Variants in ITSN1 observed in about 807,000 individuals in gnomAD.
The protein encoded by ITSN1 is intersectin-1.
In ITSN1, 58 loss-of-function variants were observed where a neutral mutation model predicts 239.8. That is an observed-to-expected ratio of 0.24 (90% confidence interval 0.20 to 0.30). The LOEUF (loss-of-function observed/expected upper bound fraction) is 0.30. Ranked by LOEUF, ITSN1 falls within the 10% of genes least tolerant of loss-of-function variation. The pLI is 1.00. For missense variants in ITSN1, 1,558 were observed against 2,103.3 expected (o/e 0.74, Z 5.07); for synonymous variants, 780 against 770.8 (o/e 1.01, Z -0.20).
chr21:33,704,574 T>C (rs2092162251), intron 1 of ITSN1, among the ~76,000 whole-genome samples: 1 of 152,184 alleles, frequency 6.6e-6, no homozygotes, highest in Non-Finnish European at 1.5e-5. Context: ...CATAGCTTTG[T>C]TAATAGGATT....
At chr21:33,816,099 A>G (rs557453383) in intron 22 of ITSN1, among the ~76,000 whole-genome samples, 3 of 152,208 alleles carry the variant, frequency 2.0e-5, no homozygotes, top group Non-Finnish European at 2.9e-5. Context: ...AGGCTGAGGC[A>G]GGAGTATCAC....
At chr21:33,834,542 G>A (rs945949846) in intron 28 of ITSN1, 118 bp downstream of exon 28, 2 of 732,964 alleles carry the variant, frequency 2.7e-6, no homozygotes, top group East Asian at 2.7e-5. Flanking sequence ...AGCACTTCCT[G>A]TACTTGCTGG....
intron 1 of ITSN1, among the ~76,000 whole-genome samples, chr21:33,664,574 TAGC>T (rs1351786868): frequency 1.3e-5 from 2 of 152,174 alleles, no homozygotes; most frequent in Non-Finnish European, 2.9e-5. Context: ...TGGGGACACA[TAGC>T]AGTTACTAGC....
intron 16 of ITSN1, among the ~76,000 whole-genome samples, chr21:33,792,029 G>GAAAT (rs1253344637): frequency 6.6e-6 from 1 of 152,022 alleles, no homozygotes; most frequent in Non-Finnish European, 1.5e-5. Flanking sequence ...AACAGATACT[G>GAAAT]AAATAAATAA....
At chr21:33,874,942 C>T (rs1189295981) in intron 33 of ITSN1, among the ~76,000 whole-genome samples, 4 of 152,152 alleles carry the variant, frequency 2.6e-5, no homozygotes, top group Admixed American at 6.5e-5. Context: ...CCACTGTGCC[C>T]GGCCAAGGGT....
chr21:33,721,011 A>C (rs998853758), intron 2 of ITSN1, among the ~76,000 whole-genome samples, 167 bp from the exon 3 acceptor site: 1 of 152,058 alleles, frequency 6.6e-6, no homozygotes, highest in Admixed American at 6.6e-5. Flanking sequence ...CCTGTTTTAC[A>C]CTTTTCTAAC....
rs766280076 is a variant in ITSN1, at chr21:33,875,533, TG to T, written c.4341+16del. The T allele has an allele frequency of 6.2e-7, 1 of 1,611,196 alleles. No homozygotes were observed. The highest frequency in any genetic ancestry group is 1.3e-5 in the African/African-American group (1 of 74,814). ...AAGGCCTGTCTGAGGTAGCCAACCT[TG>T]GGGCTGGGCCCTGGTCTCCCCCGGC... On this transcript the variant is annotated intron_variant, in intron 34 of 39. Transcript: ENST00000381318.
chr21:33,644,838 T>TC (rs773331610), intron 1 of ITSN1, among the ~76,000 whole-genome samples: 2 of 151,576 alleles, frequency 1.3e-5, no homozygotes, highest in African/African-American at 2.4e-5. Context: ...TTTTTTTTTT[T>TC]CTTGAGGCAG....
rs115514648 is a variant in ITSN1 at position 33,834,095 on chromosome 21, A to G, written c.3352-212A>G. Among the ~76,000 whole-genome samples the G allele has an allele frequency of 0.016, 2,393 of 152,226 alleles. 65 individuals are homozygous for G. The highest frequency in any genetic ancestry group is 0.053 in the African/African-American group (2,206 of 41,526). Reference sequence around the variant, plus strand: ...TCCACACAGTCTAGCCGAAGCAAAAACATTCTGGGCTTTGCTGACCAGTGA... The same window carrying G: ...TCCACACAGTCTAGCCGAAGCAAAAGCATTCTGGGCTTTGCTGACCAGTGA... On this transcript the variant is annotated intron_variant, in intron 27 of 39. Coordinates refer to ENST00000381318, the MANE Select transcript of ITSN1 (RefSeq NM_003024.3).
intron 11 of ITSN1, among the ~76,000 whole-genome samples, chr21:33,769,776 G>A (rs189405273): frequency 1.3e-5 from 2 of 150,024 alleles, no homozygotes; most frequent in Admixed American, 6.6e-5. Context: ...GCTCACTGCA[G>A]CCTCCGCCTC....
chr21:33,747,176 A>T (rs1160671713), intron 5 of ITSN1, among the ~76,000 whole-genome samples: 2 of 152,192 alleles, frequency 1.3e-5, no homozygotes, highest in Non-Finnish European at 2.9e-5. Context: ...AAACCTGAAA[A>T]GTTCAATAAC....
chr21:33,675,202 C>T (rs939099373), intron 1 of ITSN1, among the ~76,000 whole-genome samples: 2 of 152,148 alleles, frequency 1.3e-5, no homozygotes, highest in African/African-American at 4.8e-5. Flanking sequence ...AGCTGATGCT[C>T]TTCATCCACT....
chr21:33,834,150 G>A (rs937178055), intron 27 of ITSN1, among the ~76,000 whole-genome samples, 157 bp from the exon 28 acceptor site: 1 of 152,136 alleles, frequency 6.6e-6, no homozygotes, highest in Admixed American at 6.5e-5. Flanking sequence ...TAGCTATGGT[G>A]TTTTACTTTT....
chr21:33,735,336 C>T (rs2066430451), intron 5 of ITSN1, 132 bp downstream of exon 5: 2 of 909,570 alleles, frequency 2.2e-6, no homozygotes, highest in Non-Finnish European at 3.6e-6. Context: ...ATGATGGCCC[C>T]CTGCAGGAAG....
intron 32 of ITSN1, among the ~76,000 whole-genome samples, chr21:33,866,974 G>A (rs917084013): frequency 7.2e-6 from 1 of 138,990 alleles, no homozygotes; most frequent in African/African-American, 2.5e-5. Context: ...AACCATGCAT[G>A]CCATGGAGGG....
At position 33,867,217 on chromosome 21, in the gene ITSN1, A is replaced by C; in HGVS notation, c.4075-16A>C. The C allele has an allele frequency of 6.5e-7, 1 of 1,533,368 alleles. No homozygotes were observed. The highest frequency in any genetic ancestry group is 9.0e-7 in the Non-Finnish European group (1 of 1,106,404). 95.0% of individuals were successfully genotyped at this position (1,533,368 alleles called of 1,614,324 possible). ...TTGCAAGTTTCTTAAGTACATTTAA[A>C]AACATCTCATTTCAGAGATTGGCAA... On this transcript the variant is annotated splice_polypyrimidine_tract_variant and intron_variant, in intron 32 of 39. Coordinates refer to ENST00000381318, the MANE Select transcript of ITSN1 (RefSeq NM_003024.3).
At chr21:33,727,775 T>G (rs756281667) in intron 4 of ITSN1, among the ~76,000 whole-genome samples, 3 of 151,972 alleles carry the variant, frequency 2.0e-5, no homozygotes, top group African/African-American at 4.8e-5. Context: ...GATTTCCCTC[T>G]TTTCTTCACC....
intron 1 of ITSN1, among the ~76,000 whole-genome samples, chr21:33,704,143 A>G (rs991770268): frequency 2.2e-4 from 34 of 152,162 alleles, no homozygotes; most frequent in Admixed American, 2.2e-3. Context: ...GCTTTCTGTT[A>G]GATTTTCAAA....
chr21:33,778,346 T>G (rs1473181166), intron 14 of ITSN1, among the ~76,000 whole-genome samples: 1 of 152,070 alleles, frequency 6.6e-6, no homozygotes, highest in African/African-American at 2.4e-5. Flanking sequence ...CTAAAAGTGT[T>G]TGTGTTGAAA....
Sources: gnomAD v4.1 joint callset for allele counts (sites outside exome capture counted in the v4.1 genomes callset) on GRCh38, gnomAD v4.1.1 for gene constraint, MANE v1.5 for transcripts, NCBI Gene and HGNC (gene_info 2026-07-23, HGNC 2026-07-21) for gene names.